TRMT11: variants seen among roughly 807,000 people sequenced by gnomAD.
TRMT11 encodes the protein tRNA methyltransferase 11, also known as tRNA (guanine(10)-N(2))-methyltransferase TRMT11.
In TRMT11, 53 loss-of-function variants were observed where a neutral mutation model predicts 62.8. The observed-to-expected ratio is 0.84, with a 90% CI of 0.68 to 1.06. The LOEUF is 1.06. Among genes scored for constraint, TRMT11 ranks in the 50% least tolerant of loss-of-function variants. TRMT11 has a pLI of 0.00. For synonymous variants in TRMT11, 188 were observed against 190.3 expected, an observed-to-expected ratio of 0.99 and a Z score of 0.10; for missense variants, 556 against 553.4, an observed-to-expected ratio of 1.00 and a Z score of -0.05.
chr6:125,989,692 T>A (rs1790283630), intron 1 of TRMT11, among the ~76,000 whole-genome samples: 1 of 152,238 alleles, frequency 6.6e-6, no homozygotes, highest in Non-Finnish European at 1.5e-5. Context: ...AAATTCTTCT[T>A]AGTGTATTAC....
chr6:126,069,633 T>G (rs1359917295), intron 17 of TRMT11, among the ~76,000 whole-genome samples: 1 of 152,230 alleles, frequency 6.6e-6, no homozygotes, highest in Non-Finnish European at 1.5e-5. Context: ...AACTCCCCTT[T>G]GTTAACAGCT....
chr6:126,139,310 C>G (rs532048364), intron 21 of TRMT11, among the ~76,000 whole-genome samples: 8 of 151,996 alleles, frequency 5.3e-5, no homozygotes, highest in Non-Finnish European at 1.2e-4. Context: ...GAAGTAGCAA[C>G]AGCATTTAAT....
At chr6:126,036,249 T>G (rs535666872) in intron 12 of TRMT11, among the ~76,000 whole-genome samples, 1 of 152,106 alleles carries the variant, frequency 6.6e-6, no homozygotes, top group Non-Finnish European at 1.5e-5. Context: ...GGTAATTGAA[T>G]GTAAGCCCCA....
the TRMT11 span, among the ~76,000 whole-genome samples, chr6:126,245,937 TA>T: frequency 6.6e-6 from 1 of 152,028 alleles, no homozygotes; most frequent in East Asian, 1.9e-4. Flanking sequence ...ATCTCTATTA[TA>T]AAAAAAGAAA....
intron 17 of TRMT11, among the ~76,000 whole-genome samples, chr6:126,102,134 T>C (rs557901273): frequency 6.6e-6 from 1 of 152,318 alleles, no homozygotes; most frequent in African/African-American, 2.4e-5. Context: ...TGGGACCTCC[T>C]CAGGTTGCTG....
chr6:126,258,457 C>T, the TRMT11 span: 37 of 255,850 alleles, frequency 1.4e-4, no homozygotes, highest in Middle Eastern at 1.4e-3. Flanking sequence ...CGCAGCTCCA[C>T]GGAGATTACA....
chr6:126,040,833 C>G (rs189273731), downstream of TRMT11, among the ~76,000 whole-genome samples: 2 of 152,208 alleles, frequency 1.3e-5, no homozygotes, highest in Admixed American at 1.3e-4. Flanking sequence ...GTGCCTCCTT[C>G]CCGTCTATTC....
chr6:126,115,774 C>G (rs1260649614), exon 21 of TRMT11, among the ~76,000 whole-genome samples: 2 of 152,152 alleles, frequency 1.3e-5, no homozygotes, highest in African/African-American at 4.8e-5. Context: ...GGACCACAAG[C>G]CTGCCAGAGG....
At chr6:126,159,561 C>T (rs1778165727) in intron 21 of TRMT11, among the ~76,000 whole-genome samples, 1 of 152,180 alleles carries the variant, frequency 6.6e-6, no homozygotes, top group East Asian at 1.9e-4. Flanking sequence ...AGCCATCTTC[C>T]ACTATTATAA....
chr6:126,010,979 C>T (rs1794086790), intron 8 of TRMT11, among the ~76,000 whole-genome samples: 1 of 152,122 alleles, frequency 6.6e-6, no homozygotes, highest in Non-Finnish European at 1.5e-5. Context: ...TATCTTACTA[C>T]AAAAATCTTC....
At chr6:126,049,854 G>T (rs1248880111) in intron 16 of TRMT11, among the ~76,000 whole-genome samples, 2 of 152,150 alleles carry the variant, frequency 1.3e-5, no homozygotes, top group African/African-American at 2.4e-5. Flanking sequence ...TCAGATTGGG[G>T]GTGTTATGTG....
chr6:126,110,110 T>C (rs1777513541), intron 17 of TRMT11, among the ~76,000 whole-genome samples: 1 of 152,174 alleles, frequency 6.6e-6, no homozygotes, highest in Non-Finnish European at 1.5e-5. Flanking sequence ...CTGATGCTGC[T>C]AAAGACCTGA....
chr6:126,022,285 G>C (rs968227373), intron 12 of TRMT11, among the ~76,000 whole-genome samples: 1 of 151,690 alleles, frequency 6.6e-6, no homozygotes, highest in African/African-American at 2.4e-5. Flanking sequence ...CTGACTTCTT[G>C]ATCTGCCTGT....
At chr6:126,256,367 T>A in the TRMT11 span, among the ~76,000 whole-genome samples, 1 of 152,218 alleles carries the variant, frequency 6.6e-6, no homozygotes, top group East Asian at 1.9e-4. Context: ...TCACCTTCAA[T>A]GGTCACATCT....
At chr6:126,088,803 C>T (rs1777242118) in intron 17 of TRMT11, among the ~76,000 whole-genome samples, 1 of 152,068 alleles carries the variant, frequency 6.6e-6, no homozygotes, top group Non-Finnish European at 1.5e-5. Context: ...TGAGAACAGA[C>T]ATTTAGATTG....
intron 7 of TRMT11, among the ~76,000 whole-genome samples, chr6:126,003,658 A>G (rs978934719): frequency 6.6e-6 from 1 of 152,054 alleles, no homozygotes; most frequent in Admixed American, 6.6e-5. Flanking sequence ...TTTATATTTT[A>G]AGGGCCATTA....
upstream of TRMT11, among the ~76,000 whole-genome samples, chr6:126,174,963 T>C (rs988847894): frequency 2.0e-5 from 3 of 152,098 alleles, no homozygotes; most frequent in East Asian, 5.8e-4. Context: ...GCTCAGAAAA[T>C]GATTTCTTAC....
chr6:126,135,068 A>G (rs1031277611), intron 21 of TRMT11, among the ~76,000 whole-genome samples: 1 of 151,712 alleles, frequency 6.6e-6, no homozygotes, highest in African/African-American at 2.4e-5. Flanking sequence ...TAACCTAACA[A>G]TTCACTTCCA....
chr6:126,268,463 T>TA, the TRMT11 span, among the ~76,000 whole-genome samples: 18 of 152,176 alleles, frequency 1.2e-4, no homozygotes, highest in Non-Finnish European at 2.4e-4. Flanking sequence ...GGCATACCAG[T>TA]AATAACCCAA....
Sources: allele counts gnomAD v4.1 joint callset (sites outside exome capture counted in the v4.1 genomes callset), GRCh38; gene constraint gnomAD v4.1.1; transcripts MANE v1.5; gene names NCBI Gene and HGNC (gene_info 2026-07-23, HGNC 2026-07-21).